MBD5: variants seen among roughly 807,000 people sequenced by gnomAD.
The protein encoded by MBD5 is methyl-CpG binding domain protein 5, also known as methyl-CpG-binding domain protein 5.
MBD5 carries 13 observed loss-of-function variants against 117.3 expected under a neutral mutation model. The ratio of observed to expected loss-of-function variants is 0.11; its 90% CI spans 0.07 to 0.18. The LOEUF is 0.18. Ranked by LOEUF, MBD5 falls within the 10% of genes least tolerant of loss-of-function variation. The probability of loss-of-function intolerance (pLI) is 1.00; values close to 1 mark genes in which losing one functional copy is unlikely to be tolerated. For synonymous variants in MBD5, 727 were observed against 766.4 expected (o/e 0.95, Z 0.85); for missense variants, 1,879 against 2,093.8 (o/e 0.90, Z 2.00).
At chr2:148,386,886 T>C (rs1300465441) in intron 4 of MBD5, among the ~76,000 whole-genome samples, 2 of 152,184 alleles carry the variant, frequency 1.3e-5, no homozygotes, top group African/African-American at 4.8e-5. Flanking sequence ...AAAATGGTCC[T>C]GTAAATATTA....
chr2:148,182,774 T>C (rs1434966502), intron 2 of MBD5, among the ~76,000 whole-genome samples: 4 of 152,190 alleles, frequency 2.6e-5, no homozygotes, highest in African/African-American at 7.2e-5. Flanking sequence ...CACCCTCAGG[T>C]ATACCTCAGA....
chr2:148,228,945 C>T (rs1163287150), intron 2 of MBD5, among the ~76,000 whole-genome samples: 2 of 152,110 alleles, frequency 1.3e-5, no homozygotes, highest in African/African-American at 4.8e-5. Flanking sequence ...TCTGTGGGAT[C>T]GCTGGTGATA....
At chr2:148,397,521 G>A (rs1173536646) in intron 4 of MBD5, among the ~76,000 whole-genome samples, 1 of 151,938 alleles carries the variant, frequency 6.6e-6, no homozygotes, top group African/African-American at 2.4e-5. Context: ...ACTAGAGACA[G>A]GGTTTCACCA....
In MBD5 at chr2:148,469,257, A is replaced by G. The variant is rs1680705034; in HGVS notation, c.1314A>G (p.Pro438=). Residue 438 remains proline, a synonymous_variant, in exon 8 of 14, where the codon CCA becomes CCG. Transcript: ENST00000642680. ...CTTCAACCTCCCTGTCCCCTTCTCC[A>G]GTGACATCCCCCGTGCACATGATGG... is the stretch of plus-strand genomic sequence containing the variant. The part of the protein sequence containing the change: ...HSASTSLSPS[P]VTSPVHMMGT... 1 of 1,613,952 alleles carries G rather than the reference A, an allele frequency of 6.2e-7. No individual in the cohort carries two copies. The highest frequency in any genetic ancestry group is 2.2e-5 in the East Asian group (1 of 44,852).
At chr2:148,250,577 A>G (rs987781572) in intron 3 of MBD5, among the ~76,000 whole-genome samples, 3 of 152,136 alleles carry the variant, frequency 2.0e-5, no homozygotes, top group African/African-American at 7.2e-5. Flanking sequence ...TGAAATTTAG[A>G]CCAATTAACA....
intron 1 of MBD5, among the ~76,000 whole-genome samples, chr2:148,052,809 A>G (rs1694753453): frequency 6.6e-6 from 1 of 152,022 alleles, no homozygotes; most frequent in Non-Finnish European, 1.5e-5. Context: ...TTTGTTTTCT[A>G]TGCCATAAAC....
At chr2:148,289,959 T>A (rs1306363059) in intron 3 of MBD5, among the ~76,000 whole-genome samples, 1 of 146,814 alleles carries the variant, frequency 6.8e-6, no homozygotes, top group African/African-American at 2.5e-5. Flanking sequence ...ATTACCTTTT[T>A]TTTTTTTTTT....
chr2:148,230,334 A>G (rs1034228598), intron 2 of MBD5, among the ~76,000 whole-genome samples: 2 of 152,166 alleles, frequency 1.3e-5, no homozygotes, highest in Non-Finnish European at 2.9e-5. Context: ...GGCTACCGCT[A>G]CCACATCTCC....
intron 3 of MBD5, among the ~76,000 whole-genome samples, chr2:148,301,528 G>A (rs1701775020): frequency 1.3e-5 from 2 of 152,124 alleles, no homozygotes; most frequent in African/African-American, 4.8e-5. Context: ...GGAAGGAAGG[G>A]AAGTAAAGTA....
chr2:148,024,388 A>G (rs1038623362), intron 1 of MBD5, among the ~76,000 whole-genome samples: 4 of 152,200 alleles, frequency 2.6e-5, no homozygotes, highest in African/African-American at 9.7e-5. Context: ...TGGAATGCAT[A>G]TTCTCTTATA....
chr2:148,031,285 C>T lies in MBD5; in HGVS notation c.-925+9601C>T, dbSNP rs1464789177. Among the ~76,000 whole-genome samples the T allele has an allele frequency of 4.6e-5, 7 of 152,000 alleles. No homozygotes were observed. In the East Asian group the frequency reaches 1.3e-3, roughly 29 times the overall value. Reference sequence around the variant, plus strand: ...GTGACTGAAACATGTACTTGAAAAACACTTTAAGAACCTTTGTAAAATAAC... The same window carrying T: ...GTGACTGAAACATGTACTTGAAAAATACTTTAAGAACCTTTGTAAAATAAC... On this transcript the variant is annotated intron_variant, in intron 1 of 13. Transcript: ENST00000642680.
At chr2:148,167,781 A>AT (rs1166463004) in intron 1 of MBD5, among the ~76,000 whole-genome samples, 5 of 151,920 alleles carry the variant, frequency 3.3e-5, no homozygotes, top group African/African-American at 1.2e-4. Flanking sequence ...CAGGAACATC[A>AT]TTTTTTTTTT....
chr2:148,121,667 G>A (rs766718442), intron 1 of MBD5, among the ~76,000 whole-genome samples: 19 of 151,930 alleles, frequency 1.3e-4, no homozygotes, highest in Non-Finnish European at 2.5e-4. Flanking sequence ...GAGAGACATC[G>A]TCCTGGTTTT....
chr2:148,146,741 A>G (rs1697478699), intron 1 of MBD5, among the ~76,000 whole-genome samples: 1 of 152,102 alleles, frequency 6.6e-6, no homozygotes, highest in African/African-American at 2.4e-5. Context: ...GGGATGCTGG[A>G]TGGTGTCCCA....
At chr2:148,212,600 A>G (rs1699453122) in intron 2 of MBD5, among the ~76,000 whole-genome samples, 1 of 152,188 alleles carries the variant, frequency 6.6e-6, no homozygotes, top group South Asian at 2.1e-4. Flanking sequence ...GTGTGTATGT[A>G]TATATGTGTA....
Position 148,269,736 on chromosome 2 carries a change from A to C in MBD5, c.-680+36341A>C, listed in dbSNP as rs115094463. On this transcript the variant is annotated intron_variant, in intron 3 of 13. Coordinates refer to ENST00000642680, the MANE Select transcript of MBD5 (RefSeq NM_001378120.1). ...GACTTTCAGTCTGAAGTCTTATACCAGTTTTTATCTTTAAAAATTATCTTC... is the reference window on the plus strand; with the variant it reads ...GACTTTCAGTCTGAAGTCTTATACCCGTTTTTATCTTTAAAAATTATCTTC... Among the ~76,000 whole-genome samples, 1,300 of 147,434 alleles carry C rather than the reference A, an allele frequency of 8.8e-3. 10 individuals carry two copies. Among genetic ancestry groups the C allele is most frequent in the African/African-American group, 0.03 (1,204 of 40,084 alleles).
chr2:148,431,657 T>TC (rs1349508297), intron 4 of MBD5, among the ~76,000 whole-genome samples: 3 of 152,026 alleles, frequency 2.0e-5, no homozygotes, highest in Non-Finnish European at 4.4e-5. Flanking sequence ...ACTCTTTCTG[T>TC]ATTTGTTTAG....
In MBD5 at chr2:148,483,353, C is replaced by G. The variant is rs545034063; in HGVS notation, c.2762C>G (p.Ser921Cys). ...CCCTTGAACCCCAGCCTCCTCAGTTCTCTACCTATCTCTTTGCCAGTGAAT... is the reference window on the plus strand; with the variant it reads ...CCCTTGAACCCCAGCCTCCTCAGTTGTCTACCTATCTCTTTGCCAGTGAAT... The part of the protein sequence containing the change: ...PHPLNPSLLS[S>C]LPISLPVNQQ... The change falls in exon 9 of 14, where the codon TCT becomes TGT. Residue 921 changes from serine (S) to cysteine (C), a missense_variant. Physicochemically the swap from Ser to Cys is moderately radical, Grantham distance 112 (BLOSUM62 -1). Transcript: ENST00000642680. 1.2e-6 allele frequency: 2 copies of G among 1,614,096 alleles called. No homozygotes were observed. Among genetic ancestry groups the G allele is most frequent in the Admixed American group, 3.3e-5 (2 of 60,022 alleles).
chr2:148,258,903 G>C (rs1280742378), intron 3 of MBD5, among the ~76,000 whole-genome samples: 1 of 152,072 alleles, frequency 6.6e-6, no homozygotes, highest in Admixed American at 6.5e-5. Context: ...GCTTCCCTGA[G>C]AGCCGCCATA....
Sources: allele counts gnomAD v4.1 joint callset (sites outside exome capture counted in the v4.1 genomes callset), GRCh38; gene constraint gnomAD v4.1.1; transcripts MANE v1.5; gene names NCBI Gene and HGNC (gene_info 2026-07-23, HGNC 2026-07-21).